Variants in GNPAT observed in about 807,000 individuals in gnomAD.
GNPAT encodes the protein dihydroxyacetone phosphate acyltransferase.
Under a neutral mutation model 78.4 loss-of-function variants are expected in GNPAT, and 30 were observed. The ratio of observed to expected loss-of-function variants is 0.38; its 90% CI spans 0.29 to 0.52. The LOEUF is 0.52. GNPAT is among the 20% of genes least tolerant of loss of function. The pLI is 0.84. For missense variants in GNPAT, 714 were observed against 812.2 expected (o/e 0.88, Z 1.47); for synonymous variants, 271 against 281.1 (o/e 0.96, Z 0.36).
At chr1:231,254,641 G>A (rs948328329) in intron 2 of GNPAT, among the ~76,000 whole-genome samples, 1 of 151,536 alleles carries the variant, frequency 6.6e-6, no homozygotes, top group African/African-American at 2.4e-5. Flanking sequence ...GTAGAGACAG[G>A]GTTTCACCTT....
chr1:231,256,028 G>C (rs924389829), intron 2 of GNPAT, among the ~76,000 whole-genome samples: 1 of 151,958 alleles, frequency 6.6e-6, no homozygotes, highest in Non-Finnish European at 1.5e-5. Context: ...GATGGAATGC[G>C]TCAGGATTTT....
intron 1 of GNPAT, among the ~76,000 whole-genome samples, chr1:231,248,788 A>G (rs1325884594): frequency 6.6e-6 from 1 of 152,168 alleles, no homozygotes; most frequent in Non-Finnish European, 1.5e-5. Flanking sequence ...ATATGTGTAA[A>G]TTTGTACCAT....
In GNPAT at chr1:231,265,672, A is replaced by G. The variant is rs1244631512; in HGVS notation, c.697-40A>G. 8.6e-6 allele frequency: 10 copies of G among 1,156,798 alleles called. No individual in the cohort carries two copies. In the African/African-American group the frequency reaches 1.4e-4, roughly 16 times the overall value. The allele number at this position is 1,156,798 out of a possible 1,614,324, so 71.7% of individuals were successfully genotyped here. The stretch of plus-strand genomic sequence containing the variant: ...AAGAAGCATTTATCATTTTGAGAGT[A>G]GGCAATGGGTTTTGTGTTTTGTTTG... On this transcript the variant is annotated intron_variant, in intron 5 of 15. Transcript: ENST00000366647.
At chr1:231,265,064 G>T (rs1048244473) in intron 4 of GNPAT, among the ~76,000 whole-genome samples, 1 of 152,128 alleles carries the variant, frequency 6.6e-6, no homozygotes, top group African/African-American at 2.4e-5. Flanking sequence ...AATAATGTTT[G>T]AGTTTAGGCC....
intron 9 of GNPAT, among the ~76,000 whole-genome samples, chr1:231,268,905 CA>C (rs34988391): frequency 5.2e-4 from 71 of 135,802 alleles, no homozygotes; most frequent in Admixed American, 1.2e-3. Context: ...GATTCCGTCT[CA>C]AAAAAAAAAA....
chr1:231,266,125 A>G lies in GNPAT; in HGVS notation c.884A>G (p.Tyr295Cys), dbSNP rs1411331362. 2.5e-6 allele frequency: 4 copies of G among 1,613,142 alleles called. No homozygotes were observed. The highest frequency in any genetic ancestry group is 2.2e-5 in the South Asian group (2 of 91,064). The stretch of plus-strand genomic sequence containing the variant: ...ATCTTGGAAGAAACTCTTTATGTGT[A>G]TGAGCTTCTAGGGGTTCCTAAACCA... The part of the protein sequence containing the change: ...DKILEETLYV[Y>C]ELLGVPKPKE... The change falls in exon 7 of 16, where the codon TAT becomes TGT. Residue 295 changes from tyrosine (Y) to cysteine (C), a missense_variant. By Grantham distance (194) the Tyr-to-Cys change is radical (BLOSUM62 -2). Coordinates refer to ENST00000366647, the MANE Select transcript of GNPAT (RefSeq NM_014236.4).
intron 1 of GNPAT, among the ~76,000 whole-genome samples, chr1:231,250,756 A>G (rs944354537): frequency 6.6e-6 from 1 of 152,214 alleles, no homozygotes; most frequent in Non-Finnish European, 1.5e-5. Flanking sequence ...ATAAAATATT[A>G]TGATAACTCA....
intron 11 of GNPAT, among the ~76,000 whole-genome samples, chr1:231,272,638 C>G (rs903378582): frequency 1.3e-5 from 2 of 152,176 alleles, no homozygotes; most frequent in African/African-American, 4.8e-5. Context: ...TCAGTGTGGC[C>G]ATTACAACTA....
At chr1:231,262,042 C>CA (rs1558332120) in intron 3 of GNPAT, among the ~76,000 whole-genome samples, 1 of 151,940 alleles carries the variant, frequency 6.6e-6, no homozygotes, top group Non-Finnish European at 1.5e-5. Context: ...ATTTAGATTT[C>CA]AAAAAAACAG....
intron 12 of GNPAT, 197 bp from the exon 13 acceptor site, chr1:231,275,024 T>A (rs1258558913): frequency 9.0e-6 from 5 of 556,540 alleles, no homozygotes; most frequent in Non-Finnish European, 1.6e-5. Context: ...CTTTTTCTAA[T>A]TGTAAAATGT....
intron 1 of GNPAT, among the ~76,000 whole-genome samples, chr1:231,249,824 C>T (rs1684842807): frequency 6.6e-6 from 1 of 152,210 alleles, no homozygotes; most frequent in Non-Finnish European, 1.5e-5. Context: ...ATCATTACTA[C>T]TACTTTTGTA....
Position 231,265,727 on chromosome 1 carries a change from G to A in GNPAT, c.712G>A (p.Val238Ile), listed in dbSNP as rs755504902. 1.9e-6 allele frequency: 3 copies of A among 1,597,982 alleles called. No individual in the cohort carries two copies. Among genetic ancestry groups the A allele is most frequent in the Non-Finnish European group, 2.6e-6 (3 of 1,165,222 alleles). ...KTMLRNGYAP[V>I]EFFLEGTRSR... Reference sequence around the variant, plus strand: ...CTCTTTAAAGAATGGTTATGCTCCTGTTGAATTTTTCCTCGAAGGGACAAG... The same window carrying A: ...CTCTTTAAAGAATGGTTATGCTCCTATTGAATTTTTCCTCGAAGGGACAAG... The change falls in exon 6 of 16, where the codon GTT (valine) becomes ATT (isoleucine). Residue 238 changes from valine (V) to isoleucine (I), a missense_variant. Coordinates refer to ENST00000366647, the MANE Select transcript of GNPAT (RefSeq NM_014236.4).
intron 14 of GNPAT, among the ~76,000 whole-genome samples, chr1:231,275,833 A>C (rs912763318): frequency 2.6e-5 from 4 of 152,220 alleles, no homozygotes; most frequent in Non-Finnish European, 4.4e-5. Flanking sequence ...CATAATACAT[A>C]TATAGATACA....
chr1:231,268,715 G>C (rs1367430453), intron 9 of GNPAT, among the ~76,000 whole-genome samples: 1 of 151,492 alleles, frequency 6.6e-6, no homozygotes, highest in Admixed American at 6.6e-5. Flanking sequence ...AGACCAGCCT[G>C]ACCAACATGG....
intron 9 of GNPAT, chr1:231,269,844 TTTTTC>T (rs1465407452): frequency 5.3e-4 from 80 of 152,314 alleles, no homozygotes; most frequent in African/African-American, 1.9e-3. Flanking sequence ...TTCTGTTCCT[TTTTTC>T]TTTTTTTATG....
chr1:231,271,004 A>G lies in GNPAT; in HGVS notation c.1522+4A>G. 6.2e-7 allele frequency: 1 copy of G among 1,614,056 alleles called. No individual in the cohort carries two copies. Among genetic ancestry groups the G allele is most frequent in the African/African-American group, 1.3e-5 (1 of 75,040 alleles). ...ATGACACCAGGGTTCAGGAAAGGTA[A>G]TTTTCAGGAATGCAATCTTGACTTT... On this transcript the variant is annotated splice_donor_region_variant and intron_variant, in intron 10 of 15. Coordinates refer to ENST00000366647, the MANE Select transcript of GNPAT (RefSeq NM_014236.4).
In GNPAT at chr1:231,270,876, T is replaced by C. The variant is rs1464452872; in HGVS notation, c.1398T>C (p.Asp466=). 6.2e-7 allele frequency: 1 copy of C among 1,614,208 alleles called. No homozygotes were observed. Among genetic ancestry groups the C allele is most frequent in the Non-Finnish European group, 8.5e-7 (1 of 1,180,034 alleles). The change falls in exon 10 of 16, where the codon GAT becomes GAC. Residue 466 remains aspartate, a synonymous_variant. Coordinates refer to ENST00000366647, the MANE Select transcript of GNPAT (RefSeq NM_014236.4). Reference sequence around the variant, plus strand: ...ACTCCGGAGACTCGGAAGTGGTCGATGGGCTTATGCTCCAGCACATCACTC... The same window carrying C: ...ACTCCGGAGACTCGGAAGTGGTCGACGGGCTTATGCTCCAGCACATCACTC... ...KVDSGDSEVV[D]GLMLQHITLL...
intron 1 of GNPAT, among the ~76,000 whole-genome samples, chr1:231,248,567 GAA>G (rs539895087): frequency 0.012 from 1,632 of 139,608 alleles, 39 homozygotes; most frequent in African/African-American, 0.041. Flanking sequence ...CGTCTCTATT[GAA>G]AAAAAAAAAA....
At chr1:231,276,975 G>A (rs2102829861) in intron 15 of GNPAT, among the ~76,000 whole-genome samples, 1 of 152,282 alleles carries the variant, frequency 6.6e-6, no homozygotes, top group Non-Finnish European at 1.5e-5. Context: ...TGTCTGTTGG[G>A]ATTTGCGGAA....
Sources: gnomAD v4.1 joint callset for allele counts (sites outside exome capture counted in the v4.1 genomes callset) on GRCh38, gnomAD v4.1.1 for gene constraint, MANE v1.5 for transcripts, NCBI Gene and HGNC (gene_info 2026-07-23, HGNC 2026-07-21) for gene names.